Variants in CLTCL1 observed in about 807,000 individuals in gnomAD.
CLTCL1 encodes clathrin heavy chain 2.
CLTCL1 carries 159 observed loss-of-function variants against 190.0 expected under a neutral mutation model. That is an observed-to-expected ratio of 0.84 (90% CI 0.74 to 0.95). The LOEUF (loss-of-function observed/expected upper bound fraction) is 0.95. CLTCL1 is among the 40% of genes least tolerant of loss of function. The pLI is 0.00. For synonymous variants in CLTCL1, 752 were observed against 769.6 expected, an observed-to-expected ratio of 0.98 and a Z score of 0.38; for missense variants, 1,878 against 2,033.4, an observed-to-expected ratio of 0.92 and a Z score of 1.47.
chr22:19,195,175 C>T (rs2084656081), intron 26 of CLTCL1, among the ~76,000 whole-genome samples: 1 of 152,182 alleles, frequency 6.6e-6, no homozygotes, highest in Non-Finnish European at 1.5e-5. Context: ...GATTTTCCAG[C>T]ACACAGACAA....
chr22:19,243,591 CCTGGGTGG>C (rs1555966601), intron 3 of CLTCL1, among the ~76,000 whole-genome samples: 6 of 152,160 alleles, frequency 3.9e-5, no homozygotes, highest in African/African-American at 1.4e-4. Context: ...TGCACTGCAG[CCTGGGTGG>C]CAGAGCAAGA....
rs3091360 is a variant in CLTCL1 at position 19,286,257 on chromosome 22, G to A, written c.42+5343C>T. ...CTTTGGTCACCCACAATGCCACAGC[G>A]GTAGGTACTCCCACAAGGCTCACCC... On this transcript the variant is annotated intron_variant, in intron 1 of 32. Coordinates refer to ENST00000427926, the MANE Select transcript of CLTCL1 (RefSeq NM_007098.4). Among the ~76,000 whole-genome samples the A allele has an allele frequency of 4.5e-3, 687 of 152,244 alleles. 3 individuals are homozygous for A. The highest frequency in any genetic ancestry group is 8.0e-3 in the Non-Finnish European group (546 of 68,024).
chr22:19,247,843 G>A (rs1439786208), intron 3 of CLTCL1, among the ~76,000 whole-genome samples: 1 of 152,002 alleles, frequency 6.6e-6, no homozygotes, highest in African/African-American at 2.4e-5. Flanking sequence ...TTAAAGGTGT[G>A]AGTCACCGTG....
intron 2 of CLTCL1, among the ~76,000 whole-genome samples, chr22:19,259,861 A>G (rs1218204103): frequency 1.3e-5 from 2 of 152,262 alleles, no homozygotes; most frequent in Non-Finnish European, 2.9e-5. Flanking sequence ...TGAGGAAGGC[A>G]TGTCAAAAGC....
chr22:19,210,282 G>T, intron 20 of CLTCL1, 44 bp downstream of exon 20: 2 of 1,586,066 alleles, frequency 1.3e-6, no homozygotes, highest in South Asian at 2.3e-5. Context: ...CTCATGATGT[G>T]GCAGAAGGTG....
chr22:19,192,330 G>A (rs2084538475), intron 26 of CLTCL1, among the ~76,000 whole-genome samples: 1 of 152,168 alleles, frequency 6.6e-6, no homozygotes, highest in Admixed American at 6.5e-5. Context: ...CTCCCAAAGT[G>A]CTGGGATTAC....
chr22:19,219,830 T>C (rs2085510340), intron 18 of CLTCL1, 55 bp downstream of exon 18: 1 of 1,605,188 alleles, frequency 6.2e-7, no homozygotes, highest in African/African-American at 1.3e-5. Flanking sequence ...TGAGCCACAA[T>C]GATGATCGGA....
intron 26 of CLTCL1, among the ~76,000 whole-genome samples, chr22:19,195,844 G>C (rs1373240035): frequency 6.6e-6 from 1 of 151,992 alleles, no homozygotes; most frequent in Admixed American, 6.6e-5. Context: ...TGGTGCTGGG[G>C]AGAGACATGA....
intron 30 of CLTCL1, chr22:19,182,636 G>GCC (rs782780476): frequency 1.8e-4 from 27 of 152,224 alleles, no homozygotes; most frequent in Non-Finnish European, 3.5e-4. Flanking sequence ...CACCTGGGAG[G>GCC]CCCCTCCCTT....
At chr22:19,257,790 C>A in intron 2 of CLTCL1, 1 of 1,426,694 alleles carries the variant, frequency 7.0e-7, no homozygotes, top group South Asian at 1.1e-5. Context: ...CCTGAACGAC[C>A]ACCTGGCCTC....
intron 1 of CLTCL1, among the ~76,000 whole-genome samples, chr22:19,279,096 A>G (rs1179911117): frequency 6.6e-6 from 1 of 152,106 alleles, no homozygotes; most frequent in Non-Finnish European, 1.5e-5. Flanking sequence ...GAAAAATAGA[A>G]TAATATAAAT....
intron 4 of CLTCL1, among the ~76,000 whole-genome samples, chr22:19,242,385 G>T (rs933736448): frequency 2.1e-4 from 32 of 151,838 alleles, no homozygotes; most frequent in Non-Finnish European, 1.5e-5. Flanking sequence ...TGCCTTGCAG[G>T]TCCCAGTTCA....
intron 30 of CLTCL1, 25 bp from the exon 31 acceptor site, chr22:19,180,831 G>A: frequency 6.2e-7 from 1 of 1,610,280 alleles, no homozygotes; most frequent in South Asian, 1.1e-5. Context: ...AAGCACGTGA[G>A]CACCCGCTTG....
chr22:19,208,209 C>G lies in CLTCL1; in HGVS notation c.3545G>C (p.Arg1182Pro), dbSNP rs186345548. ...ELIFALAKTSRVSELEDFING... is the reference protein window; with the variant it reads ...ELIFALAKTSPVSELEDFING... Reference sequence around the variant, plus strand: ...AATAAAATCTTCTAGCTCAGAAACACGGCTGGTTTTAGCCAAGGCAAAAAT... The same window carrying G: ...AATAAAATCTTCTAGCTCAGAAACAGGGCTGGTTTTAGCCAAGGCAAAAAT... Residue 1182 changes from arginine (R) to proline (P), a missense_variant, in exon 22 of 33, where the codon CGT (arginine) becomes CCT (proline). Physicochemically the swap from Arg to Pro is moderately radical, Grantham distance 103. Transcript: ENST00000427926. 3.1e-6 allele frequency: 5 copies of G among 1,613,854 alleles called. No individual in the cohort carries two copies. Among genetic ancestry groups the G allele is most frequent in the Non-Finnish European group, 4.2e-6 (5 of 1,179,896 alleles).
chr22:19,287,265 A>G (rs2146395138), intron 1 of CLTCL1, among the ~76,000 whole-genome samples: 1 of 152,274 alleles, frequency 6.6e-6, no homozygotes, highest in East Asian at 1.9e-4. Context: ...GTACCCTGGG[A>G]AGAGTGTCAT....
At position 19,224,049 on chromosome 22, in the gene CLTCL1, A is replaced by G. The variant is rs782575495; in HGVS notation, c.2134T>C (p.Phe712Leu). The G allele has an allele frequency of 4.3e-6, 7 of 1,613,846 alleles. No homozygotes were observed. Among genetic ancestry groups the G allele is most frequent in the Non-Finnish European group, 5.9e-6 (7 of 1,179,882 alleles). Reference protein sequence around the residue: ...FESFKSYKGLFYFLGSIVNFS... With the variant: ...FESFKSYKGLLYFLGSIVNFS... ...TTCACGATTGAGCCCAGGAAGTAGA[A>G]GAGGCCTATGAAGAGAGACCATTCC... Residue 712 changes from phenylalanine to leucine, a missense_variant, in exon 14 of 33, where the codon TTC (phenylalanine) becomes CTC (leucine). Transcript: ENST00000427926.
chr22:19,204,210 C>T (rs894564254), intron 22 of CLTCL1, among the ~76,000 whole-genome samples: 1 of 152,100 alleles, frequency 6.6e-6, no homozygotes, highest in Non-Finnish European at 1.5e-5. Flanking sequence ...AAGCCAGAGT[C>T]CTGATGACGA....
chr22:19,225,342 A>C, intron 13 of CLTCL1, 111 bp downstream of exon 13: 3 of 1,178,778 alleles, frequency 2.5e-6, no homozygotes, highest in East Asian at 2.6e-5. Flanking sequence ...CCAGTGCTGC[A>C]TCCTGCCTGG....
At chr22:19,276,175 C>G (rs361787) in intron 1 of CLTCL1, among the ~76,000 whole-genome samples, 1 of 151,816 alleles carries the variant, frequency 6.6e-6, no homozygotes, top group Non-Finnish European at 1.5e-5. Flanking sequence ...AGCCCACCAC[C>G]GAGGAGAGCT....
Sources: allele counts gnomAD v4.1 joint callset (sites outside exome capture counted in the v4.1 genomes callset), GRCh38; gene constraint gnomAD v4.1.1; transcripts MANE v1.5; gene names NCBI Gene and HGNC (gene_info 2026-07-23, HGNC 2026-07-21).